NKAIN3: variants seen among roughly 807,000 people sequenced by gnomAD.
NKAIN3 encodes the protein sodium/potassium-transporting ATPase subunit beta-1-interacting protein 3.
Under a neutral mutation model 30.2 loss-of-function variants are expected in NKAIN3, and 25 were observed. The observed-to-expected ratio is 0.83, with a 90% confidence interval of 0.60 to 1.16. The LOEUF (loss-of-function observed/expected upper bound fraction) is 1.16. Ranked by LOEUF, NKAIN3 falls within the 50% of genes most tolerant of loss-of-function variation. The pLI is 0.00. For missense variants in NKAIN3, 225 were observed against 254.1 expected (o/e 0.89, Z 0.78); for synonymous variants, 91 against 89.6 (o/e 1.02, Z -0.09).
At chr8:62,736,974 G>A (rs1563538468) in intron 3 of NKAIN3, among the ~76,000 whole-genome samples, 1 of 152,112 alleles carries the variant, frequency 6.6e-6, no homozygotes, top group Non-Finnish European at 1.5e-5. Context: ...GGACCTTCAG[G>A]TTCCCCAGTG....
At chr8:62,378,831 G>T (rs939858315) in intron 1 of NKAIN3, among the ~76,000 whole-genome samples, 1 of 152,178 alleles carries the variant, frequency 6.6e-6, no homozygotes, top group Non-Finnish European at 1.5e-5. Context: ...GGAAATGTGA[G>T]TTCAGAGCCC....
chr8:62,650,008 C>A (rs1295742277), intron 3 of NKAIN3, among the ~76,000 whole-genome samples: 1 of 152,108 alleles, frequency 6.6e-6, no homozygotes, highest in East Asian at 1.9e-4. Flanking sequence ...TCCCCACCTA[C>A]CTGAGCAAGG....
At chr8:62,763,083 T>G (rs931088230) in intron 4 of NKAIN3, among the ~76,000 whole-genome samples, 1 of 151,262 alleles carries the variant, frequency 6.6e-6, no homozygotes, top group East Asian at 1.9e-4. Context: ...TAGCCGGGCA[T>G]GGTGGCGGGC....
At chr8:62,839,016 G>A (rs1336536390) in intron 4 of NKAIN3, among the ~76,000 whole-genome samples, 1 of 152,030 alleles carries the variant, frequency 6.6e-6, no homozygotes, top group East Asian at 1.9e-4. Context: ...CCAGGGTGTA[G>A]ACATTTCAGA....
intron 1 of NKAIN3, among the ~76,000 whole-genome samples, chr8:62,310,062 T>C (rs939901251): frequency 6.6e-6 from 1 of 150,718 alleles, no homozygotes; most frequent in Non-Finnish European, 1.5e-5. Flanking sequence ...AGTGACCTAG[T>C]AGTGTAACTG....
At chr8:62,997,909 T>C (rs1469719088) in intron 5 of NKAIN3, among the ~76,000 whole-genome samples, 3 of 152,188 alleles carry the variant, frequency 2.0e-5, no homozygotes, top group Admixed American at 2.0e-4. Flanking sequence ...TTAGGGCTTT[T>C]TGGAGTCAGA....
At chr8:62,345,653 A>G (rs1454653729) in intron 1 of NKAIN3, among the ~76,000 whole-genome samples, 6 of 150,004 alleles carry the variant, frequency 4.0e-5, no homozygotes, top group Admixed American at 1.3e-4. Flanking sequence ...ATATACACAT[A>G]TATACATATG....
At chr8:62,832,646 T>C (rs1210692604) in intron 4 of NKAIN3, among the ~76,000 whole-genome samples, 1 of 151,972 alleles carries the variant, frequency 6.6e-6, no homozygotes, top group Non-Finnish European at 1.5e-5. Context: ...GACTTAACTA[T>C]CCTAAATATA....
At chr8:62,762,478 T>C (rs1182562688) in intron 4 of NKAIN3, among the ~76,000 whole-genome samples, 1 of 152,070 alleles carries the variant, frequency 6.6e-6, no homozygotes, top group Non-Finnish European at 1.5e-5. Flanking sequence ...GAGAAGTAAG[T>C]AGATGTTAAA....
At chr8:62,682,596 C>T (rs994479660) in intron 3 of NKAIN3, among the ~76,000 whole-genome samples, 7 of 152,078 alleles carry the variant, frequency 4.6e-5, no homozygotes, top group Admixed American at 2.0e-4. Flanking sequence ...TGCTGCTCGC[C>T]CACTGCCTGG....
Position 62,974,322 on chromosome 8 carries a change from T to C in NKAIN3, c.*8915T>C, listed in dbSNP as rs1235316015. 6.6e-6 allele frequency among the ~76,000 whole-genome samples: 1 copy of C among 152,218 alleles called. No homozygotes were observed. Among genetic ancestry groups the C allele is most frequent in the African/African-American group, 2.4e-5 (1 of 41,454 alleles). ...CATGGAATGTTTTTCCATTTGTTTG[T>C]GTCCTCTCTTATTTCCTTGAGCAGT... is the stretch of plus-strand genomic sequence containing the variant. On this transcript the variant is annotated 3_prime_UTR_variant, in exon 7 of 7. Transcript: ENST00000623646.
At chr8:62,842,027 G>A (rs1819546619) in intron 4 of NKAIN3, among the ~76,000 whole-genome samples, 2 of 152,024 alleles carry the variant, frequency 1.3e-5, no homozygotes, top group South Asian at 4.1e-4. Context: ...ATATCTTGTT[G>A]TGGTTTTTAA....
chr8:62,615,142 C>T (rs571840003), intron 3 of NKAIN3, among the ~76,000 whole-genome samples: 28 of 143,856 alleles, frequency 1.9e-4, no homozygotes, highest in Non-Finnish European at 3.7e-4. Context: ...CAGAGGCTCA[C>T]CTGAGGCACT....
intron 4 of NKAIN3, chr8:62,863,279 T>G (rs1337778944): frequency 6.4e-7 from 1 of 1,554,810 alleles, no homozygotes; most frequent in Non-Finnish European, 8.7e-7. Context: ...CCTATAGGTT[T>G]CTGCTGTGGA....
At chr8:62,512,292 C>T (rs1807839011) in intron 1 of NKAIN3, among the ~76,000 whole-genome samples, 1 of 151,976 alleles carries the variant, frequency 6.6e-6, no homozygotes. Context: ...TGTTTATTGC[C>T]CTAACCAGCT....
intron 4 of NKAIN3, among the ~76,000 whole-genome samples, chr8:62,849,716 G>C (rs1337590737): frequency 7.0e-6 from 1 of 143,052 alleles, no homozygotes; most frequent in Admixed American, 7.7e-5. Context: ...TTGGTTTTTT[G>C]TCCTTCCGAT....
At chr8:62,356,859 C>T (rs1368561914) in intron 1 of NKAIN3, among the ~76,000 whole-genome samples, 4 of 152,064 alleles carry the variant, frequency 2.6e-5, no homozygotes, top group Non-Finnish European at 5.9e-5. Context: ...TGCCTGTAAT[C>T]CCAGCATTTT....
chr8:62,769,072 A>G (rs563722087), intron 4 of NKAIN3, among the ~76,000 whole-genome samples: 1 of 152,332 alleles, frequency 6.6e-6, no homozygotes, highest in Non-Finnish European at 1.5e-5. Context: ...CCATCTGTCC[A>G]AAACCATTTT....
chr8:62,316,249 A>G (rs938068508), intron 1 of NKAIN3, among the ~76,000 whole-genome samples: 6 of 152,222 alleles, frequency 3.9e-5, no homozygotes, highest in African/African-American at 1.2e-4. Context: ...GGACTAATAC[A>G]GTAACGAAGG....
Sources: allele counts gnomAD v4.1 joint callset (sites outside exome capture counted in the v4.1 genomes callset), GRCh38; gene constraint gnomAD v4.1.1; transcripts MANE v1.5; gene names NCBI Gene and HGNC (gene_info 2026-07-23, HGNC 2026-07-21).